CLIC5: variants seen among roughly 807,000 people sequenced by gnomAD.
CLIC5 encodes the protein CLIC family member 5, also known as chloride intracellular channel protein 5.
A neutral mutation model predicts 24.7 loss-of-function variants in CLIC5; 20 were observed. The observed-to-expected ratio is 0.81, with a 90% CI of 0.57 to 1.18. The LOEUF (loss-of-function observed/expected upper bound fraction) is 1.18. CLIC5 is among the 50% of genes most tolerant of loss of function. The pLI, the probability that CLIC5 is intolerant of heterozygous loss-of-function variation, is 0.00. For synonymous variants in CLIC5, 159 were observed against 135.6 expected (o/e 1.17, Z -1.20); for missense variants, 341 against 326.1 (o/e 1.05, Z -0.35).
rs1000854091 is a variant in CLIC5 at position 45,899,816 on chromosome 6, G to A, written c.*3272C>T. 3.3e-5 allele frequency: 5 copies of A among 152,214 alleles called. No individual in the cohort carries two copies. The highest frequency in any genetic ancestry group is 7.3e-5 in the Non-Finnish European group (5 of 68,048). 9.4% of individuals were successfully genotyped at this position (152,214 alleles called of 1,614,324 possible). On this transcript the variant is annotated 3_prime_UTR_variant, in exon 6 of 6. Transcript: ENST00000339561. ...TTCACTGGCCCCACCAGCACAAGAA[G>A]GGAATGCTGAGGACAGGGCCATTTC...
intron 6 of CLIC5, among the ~76,000 whole-genome samples, chr6:45,886,337 C>T (rs2127281475): frequency 6.6e-6 from 1 of 152,318 alleles, no homozygotes; most frequent in South Asian, 2.1e-4. Context: ...CCTAATCCTC[C>T]ACCGTCGGGT....
At chr6:45,966,321 A>C (rs1018339528) in intron 1 of CLIC5, among the ~76,000 whole-genome samples, 1 of 152,194 alleles carries the variant, frequency 6.6e-6, no homozygotes, top group African/African-American at 2.4e-5. Context: ...ACAACTAAGC[A>C]TTTTAAAAAC....
intron 1 of CLIC5, among the ~76,000 whole-genome samples, chr6:45,969,824 G>A (rs907948288): frequency 8.3e-6 from 1 of 119,788 alleles, no homozygotes; most frequent in Non-Finnish European, 1.7e-5. Flanking sequence ...TTTTTTAATC[G>A]TGGAGGATTT....
At chr6:45,921,714 G>A (rs1763268759) in intron 4 of CLIC5, among the ~76,000 whole-genome samples, 1 of 152,178 alleles carries the variant, frequency 6.6e-6, no homozygotes, top group Non-Finnish European at 1.5e-5. Flanking sequence ...AGAGCTTGCA[G>A]GATGAAGCTT....
At chr6:45,939,842 G>C (rs1206192228) in intron 4 of CLIC5, among the ~76,000 whole-genome samples, 3 of 150,050 alleles carry the variant, frequency 2.0e-5, no homozygotes, top group Admixed American at 2.0e-4. Flanking sequence ...TGTAAAGACA[G>C]GGTCTTACTA....
intron 6 of CLIC5, among the ~76,000 whole-genome samples, chr6:45,886,643 C>A (rs1762308482): frequency 6.6e-6 from 1 of 152,182 alleles, no homozygotes; most frequent in Admixed American, 6.5e-5. Flanking sequence ...AAGGAAGAAA[C>A]TGCCAAATAA....
chr6:46,106,658 C>T, the CLIC5 span, among the ~76,000 whole-genome samples: 1 of 152,202 alleles, frequency 6.6e-6, no homozygotes, highest in Non-Finnish European at 1.5e-5. Context: ...TTCTAAATTT[C>T]CTCTAGGCCC....
intron 1 of CLIC5, among the ~76,000 whole-genome samples, chr6:46,009,110 G>A (rs1197358529): frequency 6.6e-6 from 1 of 151,886 alleles, no homozygotes; most frequent in Non-Finnish European, 1.5e-5. Context: ...ATGCCCCAAA[G>A]GCTGAGAACC....
chr6:46,021,504 A>T (rs1218889461), intron 1 of CLIC5, among the ~76,000 whole-genome samples: 1 of 152,238 alleles, frequency 6.6e-6, no homozygotes, highest in Non-Finnish European at 1.5e-5. Flanking sequence ...AGTATTATTC[A>T]TAATTGCCCC....
chr6:46,069,788 A>G (rs1427331157), intron 1 of CLIC5, among the ~76,000 whole-genome samples: 1 of 152,160 alleles, frequency 6.6e-6, no homozygotes, highest in African/African-American at 2.4e-5. Context: ...ACTTCAGGCC[A>G]ATATCTATGA....
In CLIC5 at chr6:46,015,583, G is replaced by C; in HGVS notation, c.-41C>G. 1.3e-6 allele frequency: 2 copies of C among 1,537,578 alleles called. No homozygotes were observed. Among genetic ancestry groups the C allele is most frequent in the Non-Finnish European group, 8.8e-7 (1 of 1,141,922 alleles). Reference sequence around the variant, plus strand: ...GGCTACCGTCCCGGGCCGGGGAGGCGCCACCTCTGCAGCACCTGGGCCAGC... The same window carrying C: ...GGCTACCGTCCCGGGCCGGGGAGGCCCCACCTCTGCAGCACCTGGGCCAGC... On this transcript the variant is annotated 5_prime_UTR_variant, in exon 1 of 6. Transcript: ENST00000339561.
At chr6:45,937,440 A>G (rs181072479) in intron 4 of CLIC5, 2 of 152,390 alleles carry the variant, frequency 1.3e-5, no homozygotes, top group Admixed American at 6.5e-5. Flanking sequence ...TGTAAAGTCC[A>G]TTTTACAGAT....
At chr6:45,883,580 A>G (rs1208050622) in intron 6 of CLIC5, among the ~76,000 whole-genome samples, 1 of 152,202 alleles carries the variant, frequency 6.6e-6, no homozygotes, top group Non-Finnish European at 1.5e-5. Context: ...CTAAGAACCT[A>G]TAGTGTACTG....
At chr6:46,069,702 C>T (rs2127474104) in intron 1 of CLIC5, among the ~76,000 whole-genome samples, 1 of 152,240 alleles carries the variant, frequency 6.6e-6, no homozygotes, top group South Asian at 2.1e-4. Context: ...AGAGGAAGGA[C>T]TCCTCCCTAA....
At chr6:46,031,788 G>A (rs553370066) in intron 1 of CLIC5, among the ~76,000 whole-genome samples, 2 of 150,494 alleles carry the variant, frequency 1.3e-5, no homozygotes, top group African/African-American at 4.9e-5. Context: ...CCCTTGATAT[G>A]TTGTTAAGTG....
At chr6:46,046,463 C>T (rs1372876228) in intron 1 of CLIC5, among the ~76,000 whole-genome samples, 1 of 152,168 alleles carries the variant, frequency 6.6e-6, no homozygotes. Flanking sequence ...GGGAAATGGT[C>T]AAAAGTCTCT....
the CLIC5 span, among the ~76,000 whole-genome samples, chr6:46,112,192 G>A: frequency 6.6e-6 from 1 of 152,140 alleles, no homozygotes; most frequent in African/African-American, 2.4e-5. Flanking sequence ...TGTCTTTGGT[G>A]GGCGGCATTT....
chr6:46,037,179 TC>T (rs1767686203), intron 1 of CLIC5, among the ~76,000 whole-genome samples: 1 of 152,208 alleles, frequency 6.6e-6, no homozygotes, highest in Non-Finnish European at 1.5e-5. Context: ...TATTCATTTT[TC>T]CCCCTTTACT....
chr6:45,898,098 G>A (rs1031567004), downstream of CLIC5, among the ~76,000 whole-genome samples: 5 of 151,720 alleles, frequency 3.3e-5, no homozygotes, highest in East Asian at 1.9e-4. Context: ...AGGGAGTCTC[G>A]CTCTGTCGGT....
Sources: gnomAD v4.1 joint callset for allele counts (sites outside exome capture counted in the v4.1 genomes callset) on GRCh38, gnomAD v4.1.1 for gene constraint, MANE v1.5 for transcripts, NCBI Gene and HGNC (gene_info 2026-07-23, HGNC 2026-07-21) for gene names.